Variants in MYLK4 observed in about 807,000 individuals in gnomAD.
MYLK4 encodes the protein caMLCK like.
A neutral mutation model predicts 48.1 loss-of-function variants in MYLK4; 46 were observed. The observed-to-expected ratio is 0.96, with a 90% CI of 0.75 to 1.22. The LOEUF is 1.22. Among genes scored for constraint, MYLK4 ranks in the 50% most tolerant of loss-of-function variants. MYLK4 has a pLI of 0.00. For synonymous variants in MYLK4, 170 were observed against 180.8 expected, an observed-to-expected ratio of 0.94 and a Z score of 0.48; for missense variants, 451 against 486.1, an observed-to-expected ratio of 0.93 and a Z score of 0.68.
Position 2,690,568 on chromosome 6 carries a change from A to G in MYLK4, c.236-1612T>C, listed in dbSNP as rs184767360. Among the ~76,000 whole-genome samples the G allele has an allele frequency of 1.6e-4, 25 of 152,266 alleles. No individual in the cohort carries two copies. The East Asian group carries it at 4.5e-3, about 27-fold the overall frequency. ...GTGACGAGGACGTGAGCTCCGTGAT[A>G]GAGGTGACCATTTCGGGGCTTGGGG... On this transcript the variant is annotated intron_variant, in intron 3 of 12. Transcript: ENST00000274643.
the MYLK4 span, among the ~76,000 whole-genome samples, chr6:2,763,261 C>G: frequency 6.6e-6 from 1 of 152,268 alleles, no homozygotes; most frequent in African/African-American, 2.4e-5. Flanking sequence ...CTCAGAAACC[C>G]AGTTGGCTTC....
chr6:2,678,158 TG>T, intron 10 of MYLK4, 61 bp downstream of exon 10: 1 of 1,572,010 alleles, frequency 6.4e-7, no homozygotes, highest in Non-Finnish European at 8.7e-7. Context: ...ACAGCCCTGG[TG>T]GTAGGCCCTG....
At chr6:2,715,344 A>G (rs1384379458) in intron 2 of MYLK4, among the ~76,000 whole-genome samples, 15 of 152,052 alleles carry the variant, frequency 9.9e-5, no homozygotes, top group Admixed American at 2.0e-4. Context: ...GGGCTGCACG[A>G]CAATGTGAAT....
rs1762946537 is a variant in MYLK4, at chr6:2,718,361, CCTT to C, written c.160-25505_160-25503del. ...TAGTAGCCTAGCCAATATCCTTCTC[CCTT>C]CTTCTATTCTAACAGATACCTGGAT... is the stretch of plus-strand genomic sequence containing the variant. On this transcript the variant is annotated intron_variant, in intron 2 of 12. Transcript: ENST00000274643. 2.0e-5 allele frequency among the ~76,000 whole-genome samples: 3 copies of C among 152,170 alleles called. No individual in the cohort carries two copies. In the South Asian group the frequency reaches 6.2e-4, roughly 31 times the overall value.
chr6:2,766,306 C>T, the MYLK4 span: 45 of 1,609,172 alleles, frequency 2.8e-5, 1 homozygote, highest in South Asian at 1.5e-4. Flanking sequence ...AGCCGCTGGC[C>T]GACACGATGC....
chr6:2,678,368 T>G lies in MYLK4; in HGVS notation c.892A>C (p.Ser298Arg). 6.2e-7 allele frequency: 1 copy of G among 1,613,906 alleles called. No homozygotes were observed. The highest frequency in any genetic ancestry group is 2.2e-5 in the East Asian group (1 of 44,874). The change falls in exon 10 of 13, where the codon AGC becomes CGC. Residue 298 changes from serine (S) to arginine (R), a missense_variant. Ser to Arg is a moderately radical substitution (Grantham distance 110). Transcript: ENST00000274643. Reference sequence around the variant, plus strand: ...TCACCCAGGAAAGGCGACAAACCGCTAAGTCTGGAGGACACGGGGTCCAGA... The same window carrying G: ...TCACCCAGGAAAGGCGACAAACCGCGAAGTCTGGAGGACACGGGGTCCAGA... ...SVGVIAYMLLSGLSPFLGDND... is the reference protein window; with the variant it reads ...SVGVIAYMLLRGLSPFLGDND...
chr6:2,742,252 C>T (rs531429269), intron 2 of MYLK4, among the ~76,000 whole-genome samples: 3 of 152,250 alleles, frequency 2.0e-5, no homozygotes, highest in East Asian at 3.9e-4. Flanking sequence ...GCAGGCCATG[C>T]GGAAAGGCTG....
chr6:2,709,674 T>C (rs1173548365), intron 2 of MYLK4, among the ~76,000 whole-genome samples: 1 of 152,248 alleles, frequency 6.6e-6, no homozygotes, highest in Non-Finnish European at 1.5e-5. Flanking sequence ...CAGTCACAGA[T>C]TGAATTGAGT....
At chr6:2,731,095 T>C (rs920938626) in intron 2 of MYLK4, among the ~76,000 whole-genome samples, 3 of 152,150 alleles carry the variant, frequency 2.0e-5, no homozygotes, top group Non-Finnish European at 4.4e-5. Flanking sequence ...AGAGGTTATA[T>C]GGAAAACTAG....
chr6:2,719,338 T>A (rs1032461948), intron 2 of MYLK4, among the ~76,000 whole-genome samples: 1 of 152,122 alleles, frequency 6.6e-6, no homozygotes, highest in Non-Finnish European at 1.5e-5. Context: ...CCAGCAGCAT[T>A]TCTGTAAACT....
the MYLK4 span, among the ~76,000 whole-genome samples, chr6:2,763,612 G>A: frequency 1.1e-4 from 17 of 152,370 alleles, no homozygotes; most frequent in South Asian, 6.2e-4. Flanking sequence ...TGGCCCGCAA[G>A]CACCGCGCGC....
At chr6:2,765,515 C>T in the MYLK4 span, 24 of 1,280,036 alleles carry the variant, frequency 1.9e-5, no homozygotes, top group South Asian at 2.2e-5. Context: ...CTGCTGGTTC[C>T]CCGAGCGAGG....
At chr6:2,753,326 T>C (rs2113392285), upstream of MYLK4, among the ~76,000 whole-genome samples, 2 of 152,352 alleles carry the variant, frequency 1.3e-5, no homozygotes, top group South Asian at 4.1e-4. Context: ...AGTTTTTGTT[T>C]CTACACAGCG....
chr6:2,690,026 G>A (rs748956869), intron 3 of MYLK4, among the ~76,000 whole-genome samples: 14 of 152,100 alleles, frequency 9.2e-5, no homozygotes, highest in Non-Finnish European at 1.8e-4. Flanking sequence ...ATACACAAGC[G>A]GCATCGAAAT....
At chr6:2,758,024 A>C in the MYLK4 span, among the ~76,000 whole-genome samples, 3 of 152,190 alleles carry the variant, frequency 2.0e-5, no homozygotes, top group Non-Finnish European at 2.9e-5. Context: ...AACAACATTT[A>C]CCTTATGGGG....
chr6:2,765,598 G>C, the MYLK4 span: 1 of 1,486,490 alleles, frequency 6.7e-7, no homozygotes, highest in Non-Finnish European at 8.9e-7. Context: ...GGCCGCGCCG[G>C]GCGCCGGGGA....
In MYLK4 at chr6:2,750,069, CAT is replaced by C. The variant is rs372052640; in HGVS notation, c.-113+665_-112-664del. On this transcript the variant is annotated intron_variant, in intron 1 of 12. Transcript: ENST00000274643. ...ACATAATTCGCTTTGATACTAGAGA[CAT>C]ATACGCATGTCTATATGTACACATC... Among the ~76,000 whole-genome samples, 9 of 152,236 alleles carry C rather than the reference CAT, an allele frequency of 5.9e-5. No individual in the cohort carries two copies. In the South Asian group the frequency reaches 1.9e-3, roughly 32 times the overall value.
chr6:2,749,914 C>T (rs1003867105), intron 1 of MYLK4, among the ~76,000 whole-genome samples: 1 of 152,210 alleles, frequency 6.6e-6, no homozygotes, highest in African/African-American at 2.4e-5. Flanking sequence ...TATTTCCTTA[C>T]AGTCTTCTCA....
At chr6:2,704,087 A>G (rs1762400551) in intron 2 of MYLK4, among the ~76,000 whole-genome samples, 1 of 152,204 alleles carries the variant, frequency 6.6e-6, no homozygotes, top group Non-Finnish European at 1.5e-5. Context: ...GACTCCCTCA[A>G]GGCATCTCAG....
Sources: allele counts gnomAD v4.1 joint callset (sites outside exome capture counted in the v4.1 genomes callset), GRCh38; gene constraint gnomAD v4.1.1; transcripts MANE v1.5; gene names NCBI Gene and HGNC (gene_info 2026-07-23, HGNC 2026-07-21).